The following MSRB1 variants were observed in gnomAD, a reference collection of about 807,000 sequenced individuals.
The protein encoded by MSRB1 is methionine sulfoxide reductase B1.
In MSRB1, 13 loss-of-function variants were observed where a neutral mutation model predicts 15.2. The observed-to-expected ratio is 0.86, with a 90% CI of 0.56 to 1.36. The LOEUF (loss-of-function observed/expected upper bound fraction) is 1.36, where lower values mean the gene tolerates loss of function less well. MSRB1 is among the 40% of genes most tolerant of loss of function. The probability of loss-of-function intolerance (pLI) is 0.00; values close to 1 mark genes in which losing one functional copy is unlikely to be tolerated. For synonymous variants in MSRB1, 68 were observed against 64.5 expected, an observed-to-expected ratio of 1.05 and a Z score of -0.26; for missense variants, 174 against 155.9, an observed-to-expected ratio of 1.12 and a Z score of -0.62.
chr16:1,940,780 T>G lies in MSRB1; in HGVS notation c.317A>C (p.Lys106Thr), dbSNP rs781736264. The G allele has an allele frequency of 1.2e-6, 2 of 1,612,606 alleles. No individual in the cohort carries two copies. Among genetic ancestry groups the G allele is most frequent in the South Asian group, 1.1e-5 (1 of 91,050 alleles). ...CCAGCTGTGCAAAGCAAGCTCACCT[T>G]TAGGGACAAACTTCAGCGAGCTGCT... ...IFSSSLKFVPKGKETSASQGH is the reference protein window; with the variant it reads ...IFSSSLKFVPTGKETSASQGH Residue 106 changes from lysine (K) to threonine (T), a missense_variant and splice_region_variant, in exon 3 of 4, where the codon AAA becomes ACA. Lys to Thr is a moderately conservative substitution (Grantham distance 78). Coordinates refer to ENST00000361871, the MANE Select transcript of MSRB1 (RefSeq NM_016332.4).
Position 1,943,196 on chromosome 16 carries a change from G to A in MSRB1, c.-40C>T. 3 of 1,549,390 alleles carry A rather than the reference G, an allele frequency of 1.9e-6. No individual in the cohort carries two copies. In the South Asian group the frequency reaches 3.6e-5, roughly 18 times the overall value. On this transcript the variant is annotated 5_prime_UTR_variant, in exon 1 of 4. Coordinates refer to ENST00000361871, the MANE Select transcript of MSRB1 (RefSeq NM_016332.4). ...CGCAGCGCGCTTGCCGCTGCCAACT[G>A]ACCAAAGGCTGCCGACCCGACGACC...
Position 1,941,346 on chromosome 16 carries a change from G to T in MSRB1, c.115C>A (p.His39Asn). 1 of 1,613,950 alleles carries T rather than the reference G, an allele frequency of 6.2e-7. No individual in the cohort carries two copies. The highest frequency in any genetic ancestry group is 2.2e-5 in the East Asian group (1 of 44,864). ...GTGAACGCCGGCCATGGAGACGAGT[G>T]TGCATACTTCGAGCGGCTGGAGAAC... ...ELFSSRSKYA[H>N]SSPWPAFTET... The change falls in exon 2 of 4, where the codon CAC (histidine) becomes AAC (asparagine). Residue 39 changes from histidine to asparagine, a missense_variant. Transcript: ENST00000361871.
intron 1 of MSRB1, 132 bp from the exon 2 acceptor site, chr16:1,941,537 C>A: frequency 1.5e-6 from 2 of 1,295,522 alleles, no homozygotes; most frequent in Admixed American, 2.7e-5. Flanking sequence ...CTTCCCCAGG[C>A]ACCCGCCACG....
In MSRB1 at chr16:1,943,104, G is replaced by A. The variant is rs1402819454; in HGVS notation, c.53C>T (p.Pro18Leu). 6.4e-7 allele frequency: 1 copy of A among 1,558,588 alleles called. No homozygotes were observed. The highest frequency in any genetic ancestry group is 8.7e-7 in the Non-Finnish European group (1 of 1,151,410). The change falls in exon 1 of 4, where the codon CCT (proline) becomes CTT (leucine). Residue 18 changes from proline to leucine, a missense_variant and splice_region_variant. Pro to Leu is a moderately conservative substitution (Grantham distance 98). Coordinates refer to ENST00000361871, the MANE Select transcript of MSRB1 (RefSeq NM_016332.4). ...GGEVFQNHFE[P>L]GVYVCAKCGY... ...CAGCGAGAGGCCGCAGGACCAACCA[G>A]GTTCAAAGTGATTCTGGAAAACCTC... is the stretch of plus-strand genomic sequence containing the variant.
Position 1,938,440 on chromosome 16 carries a change from G to GTGTAGATCTCGGTGGT in MSRB1, c.*671_*672insACCACCGAGATCTACA. 6.5e-6 allele frequency: 1 copy of GTGTAGATCTCGGTGGT among 154,448 alleles called. No homozygotes were observed. Among genetic ancestry groups the GTGTAGATCTCGGTGGT allele is most frequent in the South Asian group, 1.9e-4 (1 of 5,220 alleles). The allele number at this position is 154,448 out of a possible 1,614,324, so 9.6% of individuals were successfully genotyped here. A position where few individuals can be genotyped will look rare whatever the true frequency, so the allele number is the denominator to read the frequency against. ...GCCCTGTGCTGGTTAGAGTTATGGA[G>GTGTAGATCTCGGTGGT]CAACAGCCGCTTTCCTAAGCAGAAG... On this transcript the variant is annotated 3_prime_UTR_variant, in exon 4 of 4. Transcript: ENST00000361871.
At chr16:1,941,702 T>A in intron 1 of MSRB1, 1 of 442,678 alleles carries the variant, frequency 2.3e-6, no homozygotes, top group East Asian at 4.5e-5. Flanking sequence ...CAGCTACAAG[T>A]GTGTGCAGCG....
Position 1,943,105 on chromosome 16 carries a change from G to A in MSRB1, c.52C>T (p.Pro18Ser), listed in dbSNP as rs1192681076. 2 of 1,558,928 alleles carry A rather than the reference G, an allele frequency of 1.3e-6. No individual in the cohort carries two copies. The highest frequency in any genetic ancestry group is 2.4e-5 in the South Asian group (2 of 84,608). Reference sequence around the variant, plus strand: ...AGCGAGAGGCCGCAGGACCAACCAGGTTCAAAGTGATTCTGGAAAACCTCG... The same window carrying A: ...AGCGAGAGGCCGCAGGACCAACCAGATTCAAAGTGATTCTGGAAAACCTCG... ...GGEVFQNHFE[P>S]GVYVCAKCGY... Residue 18 changes from proline to serine, a missense_variant, in exon 1 of 4, where the codon CCT becomes TCT. Coordinates refer to ENST00000361871, the MANE Select transcript of MSRB1 (RefSeq NM_016332.4).
chr16:1,941,424 C>G lies in MSRB1; in HGVS notation c.56-19G>C, dbSNP rs1273923127. 1.2e-6 allele frequency: 2 copies of G among 1,601,698 alleles called. No homozygotes were observed. Among genetic ancestry groups the G allele is most frequent in the Non-Finnish European group, 1.7e-6 (2 of 1,173,542 alleles). On this transcript the variant is annotated intron_variant, in intron 1 of 3. Coordinates refer to ENST00000361871, the MANE Select transcript of MSRB1 (RefSeq NM_016332.4). ...TAAACGCCTGTGGTGGAAGGAGAGG[C>G]AAATGTGGAGTCATCAGCTCCCGCC...
chr16:1,941,094 C>G, intron 2 of MSRB1, 163 bp downstream of exon 2: 2 of 1,551,244 alleles, frequency 1.3e-6, no homozygotes, highest in Non-Finnish European at 1.7e-6. Flanking sequence ...AGGCCAGGCT[C>G]TCCCGATAGC....
rs761180606 is a variant in MSRB1 at position 1,939,148 on chromosome 16, AAG to A, written c.320-7_320-6del. On this transcript the variant is annotated splice_region_variant and splice_polypyrimidine_tract_variant and intron_variant, in intron 3 of 3. Coordinates refer to ENST00000361871, the MANE Select transcript of MSRB1 (RefSeq NM_016332.4). ...GGGAGGCAGAAGTTTCTTTGCCTGA[AAG>A]AGAGGAGAGGGGGCGGAAAGTATGC... The A allele has an allele frequency of 6.2e-7, 1 of 1,605,026 alleles. No homozygotes were observed. The highest frequency in any genetic ancestry group is 2.3e-5 in the East Asian group (1 of 44,238).
intron 1 of MSRB1, 95 bp from the exon 2 acceptor site, chr16:1,941,500 C>A: frequency 6.8e-7 from 1 of 1,463,828 alleles, no homozygotes; most frequent in Non-Finnish European, 9.1e-7. Context: ...GACAGCGCTG[C>A]CCCCGTTCCG....
At position 1,941,381 on chromosome 16, in the gene MSRB1, C is replaced by CCACACTTGGCA. The variant is rs1483938291; in HGVS notation, c.69_79dup (p.Gly27ValfsTer45). On this transcript the variant is annotated frameshift_variant, in exon 2 of 4. Coordinates refer to ENST00000361871, the MANE Select transcript of MSRB1 (RefSeq NM_016332.4). LOFTEE classifies it high-confidence loss of function. ...CGAGCGGCTGGAGAACAGCTCATAG[C>CCACACTTGGCA]CACACTTGGCACACACGTAAACGCC... The CCACACTTGGCA allele has an allele frequency of 6.2e-7, 1 of 1,613,480 alleles. No homozygotes were observed. The highest frequency in any genetic ancestry group is 8.5e-7 in the Non-Finnish European group (1 of 1,179,818).
At position 1,938,921 on chromosome 16, in the gene MSRB1, A is replaced by G. The variant is rs919643511; in HGVS notation, c.*191T>C. The G allele has an allele frequency of 2.6e-6, 2 of 777,206 alleles. No homozygotes were observed. The highest frequency in any genetic ancestry group is 2.4e-5 in the Admixed American group (1 of 42,058). 48.1% of individuals were successfully genotyped at this position (777,206 alleles called of 1,614,324 possible). Reference sequence around the variant, plus strand: ...CCTGTCCCAGCAGAAGGCATGAACCATCAGCAAATGAGTCTCTTTTCCAAG... The same window carrying G: ...CCTGTCCCAGCAGAAGGCATGAACCGTCAGCAAATGAGTCTCTTTTCCAAG... On this transcript the variant is annotated 3_prime_UTR_variant, in exon 4 of 4. Coordinates refer to ENST00000361871, the MANE Select transcript of MSRB1 (RefSeq NM_016332.4).
chr16:1,940,676 C>A, intron 3 of MSRB1, 102 bp downstream of exon 3: 1 of 1,390,560 alleles, frequency 7.2e-7, no homozygotes, highest in Non-Finnish European at 9.7e-7. Context: ...ACTTGGTGGC[C>A]CCATACCTTG....
In MSRB1 at chr16:1,943,166, G is replaced by A; in HGVS notation, c.-10C>T. On this transcript the variant is annotated 5_prime_UTR_variant, in exon 1 of 4. Coordinates refer to ENST00000361871, the MANE Select transcript of MSRB1 (RefSeq NM_016332.4). ...AGCTGCAGAACGACATGGCGCCACCGGAACCGCAGCGCGCTTGCCGCTGCC... is the reference window on the plus strand; with the variant it reads ...AGCTGCAGAACGACATGGCGCCACCAGAACCGCAGCGCGCTTGCCGCTGCC... 2 of 1,557,088 alleles carry A rather than the reference G, an allele frequency of 1.3e-6. No individual in the cohort carries two copies. Among genetic ancestry groups the A allele is most frequent in the Non-Finnish European group, 1.7e-6 (2 of 1,150,514 alleles).
chr16:1,940,945 G>A, intron 2 of MSRB1, 53 bp from the exon 3 acceptor site: 1 of 1,611,920 alleles, frequency 6.2e-7, no homozygotes, highest in Non-Finnish European at 8.5e-7. Flanking sequence ...TACAGCCACA[G>A]TGAAGGCCCT....
intron 1 of MSRB1, among the ~76,000 whole-genome samples, chr16:1,942,183 C>T (rs1202238844): frequency 1.3e-5 from 2 of 152,190 alleles, no homozygotes; most frequent in Admixed American, 1.3e-4. Context: ...AAAGAGAAGC[C>T]AGCAGCTGCT....
rs946484479 is a variant in MSRB1 at position 1,941,101 on chromosome 16, T to C, written c.204+156A>G. On this transcript the variant is annotated intron_variant, in intron 2 of 3. Coordinates refer to ENST00000361871, the MANE Select transcript of MSRB1 (RefSeq NM_016332.4). ...GCACCAGAAGGCCAGGCTCTCCCGA[T>C]AGCCTGGGGTGGCAGCTCCCTGGCA... is the stretch of plus-strand genomic sequence containing the variant. The C allele has an allele frequency of 1.9e-6, 3 of 1,551,166 alleles. No individual in the cohort carries two copies. The Admixed American group carries it at 5.9e-5, about 30-fold the overall frequency.
At chr16:1,942,110 G>A (rs1010971438) in intron 1 of MSRB1, among the ~76,000 whole-genome samples, 5 of 152,188 alleles carry the variant, frequency 3.3e-5, no homozygotes, top group Non-Finnish European at 7.4e-5. Flanking sequence ...CCCATCACCT[G>A]GGGACAGCCT....
Sources: gnomAD v4.1 joint callset for allele counts (sites outside exome capture counted in the v4.1 genomes callset) on GRCh38, gnomAD v4.1.1 for gene constraint, MANE v1.5 for transcripts, NCBI Gene and HGNC (gene_info 2026-07-23, HGNC 2026-07-21) for gene names.